Variants in VPS11 observed in about 807,000 individuals in gnomAD.
VPS11 encodes the protein VPS11 core subunit of CORVET and HOPS complexes, also known as vacuolar protein sorting-associated protein 11 homolog.
VPS11 carries 51 observed loss-of-function variants against 106.8 expected under a neutral mutation model. That is an observed-to-expected ratio of 0.48 (90% CI 0.38 to 0.60). The LOEUF (loss-of-function observed/expected upper bound fraction) is 0.60. VPS11 is among the 20% of genes least tolerant of loss of function. The pLI is 0.00. For missense variants in VPS11, 950 were observed against 1,190.0 expected (o/e 0.80, Z 2.97); for synonymous variants, 453 against 458.7 (o/e 0.99, Z 0.16).
Position 119,067,883 on chromosome 11 carries a change from G to A in VPS11, c.60G>A (p.Glu20=), listed in dbSNP as rs2133639442. 1 of 1,583,802 alleles carries A rather than the reference G, an allele frequency of 6.3e-7. No homozygotes were observed. Among genetic ancestry groups the A allele is most frequent in the Non-Finnish European group, 8.6e-7 (1 of 1,164,776 alleles). The part of the protein sequence containing the change: ...FVFFDKELVK[E]PLSNDGAAPG... ...TCTTCGACAAGGAGCTGGTGAAGGA[G>A]CCGCTGAGCAATGATGGGGCCGCTC... The change falls in exon 1 of 16, where the codon GAG becomes GAA. Residue 20 remains glutamate (E), a synonymous_variant. Coordinates refer to ENST00000621676, the MANE Select transcript of VPS11 (RefSeq NM_021729.6).
In VPS11 at chr11:119,067,902, G is replaced by C. The variant is rs1945181863; in HGVS notation, c.79G>C (p.Ala27Pro). ...GAAGGAGCCGCTGAGCAATGATGGGGCCGCTCCCGGGGCCACACCTGCTTC... is the reference window on the plus strand; with the variant it reads ...GAAGGAGCCGCTGAGCAATGATGGGCCCGCTCCCGGGGCCACACCTGCTTC... ...LVKEPLSNDG[A>P]APGATPASGS... The change falls in exon 1 of 16, where the codon GCC becomes CCC. Residue 27 changes from alanine to proline, a missense_variant. This residue lies in a region of VPS11 where 62 missense variants were observed against 45.1 expected (regional missense o/e 1.37). Coordinates refer to ENST00000621676, the MANE Select transcript of VPS11 (RefSeq NM_021729.6). 8.7e-6 allele frequency: 14 copies of C among 1,600,452 alleles called. No homozygotes were observed. Among genetic ancestry groups the C allele is most frequent in the Non-Finnish European group, 1.2e-5 (14 of 1,173,510 alleles).
chr11:119,070,333 G>C lies in VPS11; in HGVS notation c.572G>C (p.Gly191Ala). 1 of 1,613,330 alleles carries C rather than the reference G, an allele frequency of 6.2e-7. No homozygotes were observed. Among genetic ancestry groups the C allele is most frequent in the South Asian group, 1.1e-5 (1 of 90,916 alleles). Residue 191 changes from glycine to alanine, a missense_variant, in exon 4 of 16, where the codon GGA (glycine) becomes GCA (alanine). Around this residue, in one of 3 missense-constraint regions of VPS11, gnomAD observed 435 missense variants for 630.2 expected, o/e 0.69. Coordinates refer to ENST00000621676, the MANE Select transcript of VPS11 (RefSeq NM_021729.6). ...CACAAGGGCAACTATCCTGTAACTG[G>C]ATTGGCCTTTCGCCAAGCAGGAAAG... ...ILHKGNYPVT[G>A]LAFRQAGKTT...
Position 119,081,373 on chromosome 11 carries a change from G to A in VPS11, c.2661+59G>A. 5.6e-6 allele frequency: 9 copies of A among 1,611,282 alleles called. No individual in the cohort carries two copies. In the South Asian group the frequency reaches 6.6e-5, roughly 12 times the overall value. ...TCCCACTAGTGTCACAGAGTCACTG[G>A]AGGGCTTGTTTCCTTATCACCTCCT... On this transcript the variant is annotated intron_variant, in intron 15 of 15. Transcript: ENST00000621676.
chr11:119,067,985 A>G lies in VPS11; in HGVS notation c.162A>G (p.Ser54=). 6.2e-7 allele frequency: 1 copy of G among 1,611,450 alleles called. No individual in the cohort carries two copies. Among genetic ancestry groups the G allele is most frequent in the East Asian group, 2.2e-5 (1 of 44,838 alleles). Residue 54 remains serine, a synonymous_variant, in exon 1 of 16, where the codon TCA becomes TCG. Transcript: ENST00000621676. ...CTCCTGGCATCACTGTCTGCGACTC[A>G]GGCCGAGGGAGCCTGGTCTTTGGAG... is the stretch of plus-strand genomic sequence containing the variant. The part of the protein sequence containing the change: ...CLPPGITVCD[S]GRGSLVFGDM...
At chr11:119,076,184 C>T (rs537784746) in intron 7 of VPS11, among the ~76,000 whole-genome samples, 44 of 151,904 alleles carry the variant, frequency 2.9e-4, no homozygotes, top group African/African-American at 1.1e-3. Flanking sequence ...CAAGATCGTG[C>T]CCTGCACTCC....
intron 12 of VPS11, 29 bp from the exon 13 acceptor site, chr11:119,078,766 A>C: frequency 6.2e-7 from 1 of 1,610,678 alleles, no homozygotes; most frequent in Non-Finnish European, 8.5e-7. Flanking sequence ...AGAGACAGCC[A>C]CTGAGGTGTG....
Position 119,079,003 on chromosome 11 carries a change from T to C in VPS11, c.2266+6T>C, listed in dbSNP as rs1172997689. 1 of 1,613,754 alleles carries C rather than the reference T, an allele frequency of 6.2e-7. No homozygotes were observed. Among genetic ancestry groups the C allele is most frequent in the Non-Finnish European group, 8.5e-7 (1 of 1,179,788 alleles). On this transcript the variant is annotated splice_donor_region_variant and intron_variant, in intron 13 of 15. Coordinates refer to ENST00000621676, the MANE Select transcript of VPS11 (RefSeq NM_021729.6). ...CCTCATGCCACCTCTTCTAGGTACT[T>C]GGGAAGACAGATGGGTGGGTGACAA...
chr11:119,077,169 A>G, intron 8 of VPS11, 86 bp downstream of exon 8: 2 of 1,497,404 alleles, frequency 1.3e-6, no homozygotes, highest in Non-Finnish European at 1.8e-6. Context: ...TCAGCAAGAC[A>G]TAGGGAGAGG....
intron 6 of VPS11, 160 bp downstream of exon 6, chr11:119,073,559 G>A: frequency 1.0e-6 from 1 of 989,598 alleles, no homozygotes; most frequent in Non-Finnish European, 1.4e-6. Context: ...CCTGGGATGG[G>A]GCTTTAGAGG....
Position 119,068,663 on chromosome 11 carries a change from G to A in VPS11, c.188-533G>A, listed in dbSNP as rs1592174789. On this transcript the variant is annotated intron_variant, in intron 1 of 15. Transcript: ENST00000621676. ...GGGTTTCACCATATTGGCCAGGCTG[G>A]TCTCGAACTCCTGACCTCGTGATCC... Among the ~76,000 whole-genome samples, 6 of 151,970 alleles carry A rather than the reference G, an allele frequency of 3.9e-5. 1 individual carries two copies. Among genetic ancestry groups the A allele is most frequent in the Admixed American group, 3.9e-4 (6 of 15,244 alleles).
chr11:119,067,942 C>G lies in VPS11; in HGVS notation c.119C>G (p.Ser40Cys). The change falls in exon 1 of 16, where the codon TCC becomes TGC. Residue 40 changes from serine (S) to cysteine (C), a missense_variant. Transcript: ENST00000621676. ...GATPASGSAA[S>C]KFLCLPPGIT... The stretch of plus-strand genomic sequence containing the variant: ...ACACCTGCTTCTGGATCCGCTGCTT[C>G]CAAGTTCCTTTGCCTCCCTCCTGGC... The G allele has an allele frequency of 1.9e-6, 3 of 1,612,564 alleles. No homozygotes were observed. The highest frequency in any genetic ancestry group is 1.1e-5 in the South Asian group (1 of 90,656).
chr11:119,074,903 C>T (rs1222655992), intron 7 of VPS11, among the ~76,000 whole-genome samples: 2 of 152,198 alleles, frequency 1.3e-5, no homozygotes, highest in Non-Finnish European at 1.5e-5. Flanking sequence ...GTATTCATCT[C>T]TTGCTTCCAT....
chr11:119,071,946 C>G, intron 5 of VPS11, 103 bp downstream of exon 5: 1 of 1,427,510 alleles, frequency 7.0e-7, no homozygotes, highest in Non-Finnish European at 9.5e-7. Context: ...TCTCCTACTC[C>G]TACTCCGGTG....
chr11:119,073,161 A>T, intron 5 of VPS11, 37 bp from the exon 6 acceptor site: 1 of 1,583,306 alleles, frequency 6.3e-7, no homozygotes, highest in Non-Finnish European at 8.6e-7. Flanking sequence ...TAAGACAGAG[A>T]TGTCCAAACA....
rs1001124639 is a variant in VPS11 at position 119,073,356 on chromosome 11, G to A, written c.1043G>A (p.Arg348Gln). Reference sequence around the variant, plus strand: ...CTGTACGTGCTGACGCGGGATGGGCGGGTCCACGCACTGCAGGAGAAGGAC... The same window carrying A: ...CTGTACGTGCTGACGCGGGATGGGCAGGTCCACGCACTGCAGGAGAAGGAC... ...GSLYVLTRDG[R>Q]VHALQEKDTQ... Residue 348 changes from arginine to glutamine, a missense_variant, in exon 6 of 16, where the codon CGG (arginine) becomes CAG (glutamine). By Grantham distance (43) the Arg-to-Gln change is conservative. Transcript: ENST00000621676. The A allele has an allele frequency of 6.2e-6, 10 of 1,613,706 alleles. No individual in the cohort carries two copies. The Admixed American group carries it at 8.3e-5, about 13-fold the overall frequency.
rs1784302 is a variant in VPS11, at chr11:119,070,247, C to G, written c.486C>G (p.Gly162=). 634,826 of 1,607,286 alleles carry G rather than the reference C, an allele frequency of 0.39. 128,366 individuals carry two copies. The highest frequency in any genetic ancestry group is 0.52 in the African/African-American group (38,798 of 74,830). The change falls in exon 4 of 16, where the codon GGC becomes GGG. Residue 162 remains glycine (G), a synonymous_variant. Coordinates refer to ENST00000621676, the MANE Select transcript of VPS11 (RefSeq NM_021729.6). ...LNFMAIGFTD[G]SVTLNKGDIT... ...GTTTTCTTACAGGTTTCACAGATGG[C>G]AGTGTTACATTGAACAAAGGAGACA...
At chr11:119,076,237 T>C (rs142880090) in intron 7 of VPS11, among the ~76,000 whole-genome samples, 1,443 of 119,328 alleles carry the variant, frequency 0.012, 13 homozygotes, top group Middle Eastern at 0.08. Context: ...AAAATAATAA[T>C]AAAAAAAGGC....
At chr11:119,074,890 A>C (rs1945543560) in intron 7 of VPS11, among the ~76,000 whole-genome samples, 1 of 152,158 alleles carries the variant, frequency 6.6e-6, no homozygotes, top group African/African-American at 2.4e-5. Flanking sequence ...TAAGGGGGAA[A>C]AGGTATTCAT....
rs782088087 is a variant in VPS11 at position 119,078,038 on chromosome 11, G to T, written c.1733G>T (p.Arg578Leu). 5.6e-6 allele frequency: 9 copies of T among 1,611,856 alleles called. No homozygotes were observed. Among genetic ancestry groups the T allele is most frequent in the Non-Finnish European group, 6.8e-6 (8 of 1,179,890 alleles). The change falls in exon 10 of 16, where the codon CGC becomes CTC. Residue 578 changes from arginine (R) to leucine (L), a missense_variant. Physicochemically the swap from Arg to Leu is moderately radical, Grantham distance 102. Transcript: ENST00000621676. Reference protein sequence around the residue: ...CTDYRPSLEGRSDREAPGCRA... With the variant: ...CTDYRPSLEGLSDREAPGCRA... ...GATTATCGGCCCAGCCTCGAAGGCC[G>T]CAGCGATAGGGAGGCCCCAGGCTGC... is the stretch of plus-strand genomic sequence containing the variant.
Sources: allele counts gnomAD v4.1 joint callset (sites outside exome capture counted in the v4.1 genomes callset), GRCh38; gene constraint gnomAD v4.1.1; regional missense constraint gnomAD v4.1.1; transcripts MANE v1.5; gene names NCBI Gene and HGNC (gene_info 2026-07-23, HGNC 2026-07-21).